The following CNGA1 variants were observed in gnomAD, a reference collection of about 807,000 sequenced individuals.
CNGA1 encodes cyclic nucleotide-gated channel alpha-1.
A neutral mutation model predicts 69.7 loss-of-function variants in CNGA1; 53 were observed. That is an observed-to-expected ratio of 0.76 (90% CI 0.61 to 0.96). The LOEUF (loss-of-function observed/expected upper bound fraction) is 0.96. CNGA1 is among the 40% of genes least tolerant of loss of function. The pLI, the probability that CNGA1 is intolerant of heterozygous loss-of-function variation, is 0.00. For missense variants in CNGA1, 739 were observed against 811.2 expected (o/e 0.91, Z 1.08); for synonymous variants, 249 against 283.5 (o/e 0.88, Z 1.22).
intron 3 of CNGA1, among the ~76,000 whole-genome samples, chr4:47,954,520 A>C (rs1292679094): frequency 6.6e-6 from 1 of 152,206 alleles, no homozygotes; most frequent in Non-Finnish European, 1.5e-5. Flanking sequence ...CCCCTGCCGC[A>C]CGTCCTGCAA....
intron 2 of CNGA1, among the ~76,000 whole-genome samples, chr4:48,005,262 C>T (rs1370067104): frequency 6.6e-6 from 1 of 152,032 alleles, no homozygotes; most frequent in Non-Finnish European, 1.5e-5. Context: ...GGATTACAGG[C>T]ATGTGCCACC....
intron 3 of CNGA1, among the ~76,000 whole-genome samples, chr4:47,969,469 T>C (rs978427305): frequency 3.3e-5 from 5 of 152,140 alleles, no homozygotes; most frequent in African/African-American, 1.2e-4. Context: ...TTTTTGTTTT[T>C]TCGTTTTTTT....
At chr4:47,993,467 T>C (rs1444341587) in intron 2 of CNGA1, among the ~76,000 whole-genome samples, 1 of 152,166 alleles carries the variant, frequency 6.6e-6, no homozygotes, top group African/African-American at 2.4e-5. Flanking sequence ...TCCTGGTTTA[T>C]GTGTGTAAAG....
At chr4:47,999,454 C>T (rs963426551) in intron 2 of CNGA1, among the ~76,000 whole-genome samples, 2 of 152,120 alleles carry the variant, frequency 1.3e-5, no homozygotes, top group South Asian at 4.1e-4. Context: ...AAACACTTCA[C>T]AATATGGACT....
In CNGA1 at chr4:47,936,824, G is replaced by C. The variant is rs1171947539; in HGVS notation, c.1658C>G (p.Ala553Gly). ...AATATTGGCCGTTCTTCGATTGCCA[G>C]CTTTGCTCCCTTTAATGTTAAGAAT... The part of the protein sequence containing the change: ...ISILNIKGSK[A>G]GNRRTANIKS... The change falls in exon 11 of 11, where the codon GCT becomes GGT. Residue 553 changes from alanine (A) to glycine (G), a missense_variant. Physicochemically the swap from Ala to Gly is moderately conservative, Grantham distance 60. Transcript: ENST00000514170. 10 of 1,613,982 alleles carry C rather than the reference G, an allele frequency of 6.2e-6. No homozygotes were observed. Among genetic ancestry groups the C allele is most frequent in the Non-Finnish European group, 8.5e-6 (10 of 1,180,034 alleles).
At chr4:47,990,040 T>C (rs2110232412) in intron 2 of CNGA1, among the ~76,000 whole-genome samples, 1 of 149,460 alleles carries the variant, frequency 6.7e-6, no homozygotes, top group African/African-American at 2.6e-5. Flanking sequence ...GACCCTGTGA[T>C]GATTGCATTA....
chr4:47,982,860 A>C (rs2661538), intron 2 of CNGA1, among the ~76,000 whole-genome samples: 27,190 of 152,106 alleles, frequency 0.18, 2,611 homozygotes, highest in Middle Eastern at 0.24. Context: ...GCTGGAGTGC[A>C]GTGGTGCCAT....
intron 3 of CNGA1, among the ~76,000 whole-genome samples, chr4:47,975,763 A>G (rs1290386691): frequency 3.3e-5 from 5 of 152,104 alleles, no homozygotes; most frequent in Non-Finnish European, 7.4e-5. Flanking sequence ...AAGATCCTTC[A>G]TCATCAAAGA....
At chr4:47,989,813 C>T (rs1003502838) in intron 2 of CNGA1, among the ~76,000 whole-genome samples, 3 of 151,672 alleles carry the variant, frequency 2.0e-5, no homozygotes, top group Non-Finnish European at 4.4e-5. Context: ...CCCTTTCCCC[C>T]TGATTCCCCA....
intron 2 of CNGA1, among the ~76,000 whole-genome samples, chr4:47,987,467 C>T (rs775963687): frequency 1.3e-5 from 2 of 152,088 alleles, no homozygotes; most frequent in Non-Finnish European, 2.9e-5. Flanking sequence ...GATCAGGAAC[C>T]GTGTCTATGT....
chr4:47,940,738 A>T, intron 10 of CNGA1, 25 bp downstream of exon 10: 7 of 1,393,586 alleles, frequency 5.0e-6, no homozygotes, highest in Non-Finnish European at 7.1e-6. Flanking sequence ...GAAATTTTAA[A>T]ATATTCAAAA....
chr4:47,959,313 C>T (rs889572648), intron 3 of CNGA1, among the ~76,000 whole-genome samples: 2 of 152,094 alleles, frequency 1.3e-5, no homozygotes, highest in Admixed American at 1.3e-4. Flanking sequence ...CTTTGGACCA[C>T]CAAAAATATA....
At chr4:47,971,905 C>A (rs533926633) in intron 3 of CNGA1, among the ~76,000 whole-genome samples, 8 of 121,472 alleles carry the variant, frequency 6.6e-5, no homozygotes, top group Non-Finnish European at 1.3e-4. Context: ...AACAAACAAA[C>A]AAACAAACAA....
chr4:47,959,131 GA>G (rs1740273642), intron 3 of CNGA1: 1 of 152,160 alleles, frequency 6.6e-6, no homozygotes, highest in African/African-American at 2.4e-5. Context: ...AAACTATAGA[GA>G]AAGACAGGTA....
intron 10 of CNGA1, among the ~76,000 whole-genome samples, chr4:47,940,464 T>G (rs1356362609): frequency 2.0e-5 from 3 of 152,238 alleles, no homozygotes; most frequent in African/African-American, 7.2e-5. Flanking sequence ...CCCCTGTAGC[T>G]GGCAGAATAT....
chr4:47,979,978 G>A (rs565259105), intron 3 of CNGA1, among the ~76,000 whole-genome samples: 36 of 152,204 alleles, frequency 2.4e-4, no homozygotes, highest in Non-Finnish European at 4.1e-4. Context: ...TTTGACTGTG[G>A]CCTGTATAGT....
At chr4:48,011,182 C>A (rs1156380855) in intron 1 of CNGA1, among the ~76,000 whole-genome samples, 4 of 152,116 alleles carry the variant, frequency 2.6e-5, no homozygotes, top group Non-Finnish European at 4.4e-5. Context: ...AAGGTGGAAG[C>A]GGTCACTTTC....
At chr4:47,982,241 A>G (rs62298347) in intron 2 of CNGA1, among the ~76,000 whole-genome samples, 4,435 of 152,352 alleles carry the variant, frequency 0.029, 84 homozygotes, top group South Asian at 0.065. Context: ...TCCATTTAGC[A>G]AAACTGCCTT....
intron 6 of CNGA1, among the ~76,000 whole-genome samples, chr4:47,945,340 A>T (rs1331622134): frequency 6.6e-6 from 1 of 152,214 alleles, no homozygotes; most frequent in African/African-American, 2.4e-5. Flanking sequence ...ACCCATGAAG[A>T]AAGACTCTGC....
Sources: allele counts gnomAD v4.1 joint callset (sites outside exome capture counted in the v4.1 genomes callset), GRCh38; gene constraint gnomAD v4.1.1; transcripts MANE v1.5; gene names NCBI Gene and HGNC (gene_info 2026-07-23, HGNC 2026-07-21).